The following FSHR variants were observed in gnomAD, a reference collection of about 807,000 sequenced individuals.
FSHR encodes follicle stimulating hormone receptor, also known as follicle-stimulating hormone receptor.
In FSHR, 46 loss-of-function variants were observed where a neutral mutation model predicts 52.1. The ratio of observed to expected loss-of-function variants is 0.88; its 90% CI spans 0.70 to 1.13. FSHR has a LOEUF of 1.13. Ranked by LOEUF, FSHR falls within the 50% of genes most tolerant of loss-of-function variation. The probability of loss-of-function intolerance (pLI) is 0.00; values close to 1 mark genes in which losing one functional copy is unlikely to be tolerated. For missense variants in FSHR, 964 were observed against 834.6 expected, an observed-to-expected ratio of 1.16 and a Z score of -1.91; for synonymous variants, 399 against 309.6, an observed-to-expected ratio of 1.29 and a Z score of -3.03.
At position 48,982,929 on chromosome 2, in the gene FSHR, G is replaced by T; in HGVS notation, c.651C>A (p.Ala217=). Reference sequence around the variant, plus strand: ...CTACTCACAGAATGACTGGTCCAGAGGCTCCGTGGAAAACATCATTAGGCA... The same window carrying T: ...CTACTCACAGAATGACTGGTCCAGATGCTCCGTGGAAAACATCATTAGGCA... ...EELPNDVFHG[A]SGPVILDISR... Residue 217 remains alanine (A), a synonymous_variant, in exon 8 of 10, where the codon GCC becomes GCA. Coordinates refer to ENST00000406846, the MANE Select transcript of FSHR (RefSeq NM_000145.4). The T allele has an allele frequency of 6.2e-7, 1 of 1,613,874 alleles. No individual in the cohort carries two copies. Among genetic ancestry groups the T allele is most frequent in the South Asian group, 1.1e-5 (1 of 91,074 alleles).
At chr2:49,100,078 C>G (rs1017300873) in intron 1 of FSHR, among the ~76,000 whole-genome samples, 3 of 152,098 alleles carry the variant, frequency 2.0e-5, no homozygotes, top group Non-Finnish European at 4.4e-5. Flanking sequence ...CTCTTTTACA[C>G]GTATTAACTC....
intron 4 of FSHR, among the ~76,000 whole-genome samples, chr2:49,014,426 GC>G (rs1453839037): frequency 6.6e-6 from 1 of 152,060 alleles, no homozygotes; most frequent in East Asian, 1.9e-4. Flanking sequence ...GTGGCAGGTG[GC>G]ACAGATTTCA....
chr2:49,152,760 A>G (rs1424501401), intron 1 of FSHR, among the ~76,000 whole-genome samples: 1 of 152,166 alleles, frequency 6.6e-6, no homozygotes, highest in Admixed American at 6.6e-5. Context: ...GGGGTCATCT[A>G]TATCTTTTAG....
intron 2 of FSHR, among the ~76,000 whole-genome samples, chr2:49,058,364 T>A (rs1391195310): frequency 1.3e-5 from 2 of 151,800 alleles, no homozygotes; most frequent in African/African-American, 4.8e-5. Context: ...CTGGCCAACA[T>A]GGTGAAACCC....
chr2:48,982,872 A>T, intron 8 of FSHR, 40 bp downstream of exon 8: 1 of 1,536,186 alleles, frequency 6.5e-7, no homozygotes, highest in South Asian at 1.1e-5. Flanking sequence ...AACTTACACA[A>T]ACTGAGCTCT....
intron 2 of FSHR, among the ~76,000 whole-genome samples, chr2:49,022,917 T>A (rs569432498): frequency 1.3e-5 from 2 of 152,332 alleles, no homozygotes; most frequent in African/African-American, 4.8e-5. Flanking sequence ...TAGAGATCTT[T>A]TTAGAATGCA....
Position 48,968,777 on chromosome 2 carries a change from C to G in FSHR, c.775G>C (p.Glu259Gln). The change falls in exon 9 of 10, where the codon GAA (glutamate) becomes CAA (glutamine). Residue 259 changes from glutamate (E) to glutamine (Q), a missense_variant. Physicochemically the swap from Glu to Gln is conservative, Grantham distance 29 (BLOSUM62 2). Coordinates refer to ENST00000406846, the MANE Select transcript of FSHR (RefSeq NM_000145.4). ...GCTTCCATGAGGGCGACAAGCTTTT[C>G]CAGAGTAGGCAGCTTTTTTAAGTTG... Reference protein sequence around the residue: ...TYNLKKLPTLEKLVALMEASL... With the variant: ...TYNLKKLPTLQKLVALMEASL... 1 of 1,614,106 alleles carries G rather than the reference C, an allele frequency of 6.2e-7. No individual in the cohort carries two copies. The highest frequency in any genetic ancestry group is 2.2e-5 in the East Asian group (1 of 44,884).
At chr2:49,123,739 G>GGA (rs149986484) in intron 1 of FSHR, among the ~76,000 whole-genome samples, 1 of 151,974 alleles carries the variant, frequency 6.6e-6, no homozygotes, top group Non-Finnish European at 1.5e-5. Context: ...TCTCCCCAGG[G>GGA]GAGAGAGAGA....
chr2:49,143,099 G>A (rs561718458), intron 1 of FSHR, among the ~76,000 whole-genome samples: 1 of 152,282 alleles, frequency 6.6e-6, no homozygotes, highest in East Asian at 1.9e-4. Context: ...GTCTGGATGA[G>A]CTCACCATAC....
rs1037936002 is a variant in FSHR, at chr2:48,962,651, C to A, written c.*82G>T. On this transcript the variant is annotated 3_prime_UTR_variant, in exon 10 of 10. Coordinates refer to ENST00000406846, the MANE Select transcript of FSHR (RefSeq NM_000145.4). The stretch of plus-strand genomic sequence containing the variant: ...TTAAATTAGATGAAATGTGTAGAAG[C>A]ACTGTCAGCTCTTTGTGACATACCC... 6 of 1,360,078 alleles carry A rather than the reference C, an allele frequency of 4.4e-6. No homozygotes were observed. Among genetic ancestry groups the A allele is most frequent in the Non-Finnish European group, 6.3e-6 (6 of 954,176 alleles). 84.3% of individuals were successfully genotyped at this position (1,360,078 alleles called of 1,614,324 possible).
At chr2:49,040,871 G>A (rs540924616) in intron 2 of FSHR, among the ~76,000 whole-genome samples, 1 of 152,266 alleles carries the variant, frequency 6.6e-6, no homozygotes, top group South Asian at 2.1e-4. Flanking sequence ...TTCCTGACAT[G>A]GCCTTAAATC....
chr2:49,012,740 G>A (rs1317218), intron 4 of FSHR, among the ~76,000 whole-genome samples: 106,804 of 151,988 alleles, frequency 0.7, 38,385 homozygotes, highest in Admixed American at 0.79. Context: ...TCCATTTTGC[G>A]TTTTTTCTCT....
intron 1 of FSHR, among the ~76,000 whole-genome samples, chr2:49,151,417 T>A (rs1673058523): frequency 6.6e-6 from 1 of 152,150 alleles, no homozygotes; most frequent in Non-Finnish European, 1.5e-5. Flanking sequence ...TAGGAGCCCC[T>A]TAGTAAATGA....
intron 1 of FSHR, among the ~76,000 whole-genome samples, chr2:49,099,433 TTTTC>T (rs1482526569): frequency 6.6e-6 from 1 of 152,130 alleles, no homozygotes; most frequent in African/African-American, 2.4e-5. Context: ...TTAAACCTCT[TTTTC>T]TTTATAAATT....
chr2:49,127,519 T>TACACAC lies in FSHR; in HGVS notation c.152+26741_152+26746dup, dbSNP rs72289679. ...GTTTCTTTCTCAATGACCACCACAA[T>TACACAC]ACACACACACACACACACACACACA... is the stretch of plus-strand genomic sequence containing the variant. On this transcript the variant is annotated intron_variant, in intron 1 of 9. Transcript: ENST00000406846. Among the ~76,000 whole-genome samples the TACACAC allele has an allele frequency of 3.7e-4, 54 of 147,144 alleles. 2 individuals carry two copies. The highest frequency in any genetic ancestry group is 1.5e-3 in the Admixed American group (22 of 14,804).
At chr2:48,988,025 A>T (rs370619618) in intron 6 of FSHR, among the ~76,000 whole-genome samples, 1 of 152,142 alleles carries the variant, frequency 6.6e-6, no homozygotes, top group South Asian at 2.1e-4. Context: ...TCTGTTTTCA[A>T]ACTTTTTCCA....
intron 6 of FSHR, among the ~76,000 whole-genome samples, chr2:48,985,387 C>T (rs1464547754): frequency 6.6e-6 from 1 of 151,514 alleles, no homozygotes; most frequent in South Asian, 2.1e-4. Flanking sequence ...GCAGGTCTCT[C>T]CTGAGGCCCG....
intron 6 of FSHR, among the ~76,000 whole-genome samples, chr2:48,988,624 G>A (rs1675624248): frequency 6.6e-6 from 1 of 152,126 alleles, no homozygotes; most frequent in African/African-American, 2.4e-5. Flanking sequence ...TTCCTGATTG[G>A]GCCTCCTTCC....
At chr2:48,994,050 T>C (rs536075506) in intron 4 of FSHR, among the ~76,000 whole-genome samples, 6 of 152,170 alleles carry the variant, frequency 3.9e-5, no homozygotes, top group Non-Finnish European at 8.8e-5. Context: ...GAGGGCAAGA[T>C]TCATGTTTTC....
Sources: allele counts gnomAD v4.1 joint callset (sites outside exome capture counted in the v4.1 genomes callset), GRCh38; gene constraint gnomAD v4.1.1; transcripts MANE v1.5; gene names NCBI Gene and HGNC (gene_info 2026-07-23, HGNC 2026-07-21).